The following BARD1 variants were observed in gnomAD, a reference collection of about 807,000 sequenced individuals.
The protein encoded by BARD1 is BRCA1 associated RING domain 1.
In BARD1, 73 loss-of-function variants were observed where a neutral mutation model predicts 77.0. That is an observed-to-expected ratio of 0.95 (90% confidence interval 0.79 to 1.15). The LOEUF is 1.15. BARD1 is among the 50% of genes most tolerant of loss of function. The probability of loss-of-function intolerance (pLI) is 0.00; values close to 1 mark genes in which losing one functional copy is unlikely to be tolerated. For synonymous variants in BARD1, 384 were observed against 338.0 expected (o/e 1.14, Z -1.49); for missense variants, 993 against 938.8 (o/e 1.06, Z -0.75).
chr2:214,806,798 C>CG (rs1167716797), intron 1 of BARD1, among the ~76,000 whole-genome samples: 9 of 140,714 alleles, frequency 6.4e-5, no homozygotes, highest in South Asian at 2.4e-4. Context: ...TGCTTGAACC[C>CG]GGGGGAAGGA....
intron 3 of BARD1, among the ~76,000 whole-genome samples, chr2:214,791,225 T>C (rs1040317509): frequency 2.6e-5 from 4 of 152,184 alleles, no homozygotes; most frequent in Non-Finnish European, 5.9e-5. Flanking sequence ...AAAATTTTAA[T>C]AGGTATAAAG....
chr2:214,809,480 A>T lies in BARD1; in HGVS notation c.90T>A (p.Gly30=), dbSNP rs150354152. The T allele has an allele frequency of 1.4e-4, 232 of 1,609,568 alleles. No homozygotes were observed. In the African/African-American group the frequency reaches 2.9e-3, roughly 20 times the overall value. ...CGCGACTGTGGGCCCAGGCACCGCG[A>T]CCATCCGGTTCCATGGCGGGCGCGG... ...PRSAPAMEPD[G]RGAWAHSRAA... is the part of the protein sequence containing the mutation. Residue 30 remains glycine, a synonymous_variant, in exon 1 of 11, where the codon GGT becomes GGA. Coordinates refer to ENST00000260947, the MANE Select transcript of BARD1 (RefSeq NM_000465.4).
In BARD1 at chr2:214,738,873, G is replaced by A. The variant is rs80153018; in HGVS notation, c.1903+6194C>T. Reference sequence around the variant, plus strand: ...TTTAAAGAATTTTTAGGCCAGACCTGGTGGCTCGCACTTGTAATGCTAGCA... The same window carrying A: ...TTTAAAGAATTTTTAGGCCAGACCTAGTGGCTCGCACTTGTAATGCTAGCA... On this transcript the variant is annotated intron_variant, in intron 9 of 10. Coordinates refer to ENST00000260947, the MANE Select transcript of BARD1 (RefSeq NM_000465.4). Among the ~76,000 whole-genome samples the A allele has an allele frequency of 2.9e-3, 443 of 152,224 alleles. 6 individuals carry two copies. In the East Asian group the frequency reaches 0.042, roughly 15 times the overall value.
At chr2:214,764,252 C>T (rs1022668797) in intron 6 of BARD1, among the ~76,000 whole-genome samples, 4 of 152,160 alleles carry the variant, frequency 2.6e-5, no homozygotes, top group African/African-American at 9.7e-5. Flanking sequence ...AATGTGGATA[C>T]AGACTACATT....
At chr2:214,762,832 T>A (rs1344185074) in intron 6 of BARD1, among the ~76,000 whole-genome samples, 2 of 152,096 alleles carry the variant, frequency 1.3e-5, no homozygotes, top group African/African-American at 4.8e-5. Flanking sequence ...ACAAAGTAAA[T>A]CAAACTTCAT....
intron 9 of BARD1, among the ~76,000 whole-genome samples, chr2:214,733,050 G>C (rs1001317359): frequency 6.6e-6 from 1 of 152,196 alleles, no homozygotes; most frequent in Non-Finnish European, 1.5e-5. Flanking sequence ...AAAAGACCCT[G>C]AAGAGCTAGT....
At chr2:214,753,336 T>A (rs999071269) in intron 6 of BARD1, among the ~76,000 whole-genome samples, 6 of 152,224 alleles carry the variant, frequency 3.9e-5, no homozygotes, top group Non-Finnish European at 8.8e-5. Flanking sequence ...AAAGGACTTC[T>A]GTCTACTATT....
chr2:214,766,988 CAAGT>C lies in BARD1; in HGVS notation c.1568+490_1568+493del, dbSNP rs1318682991. On this transcript the variant is annotated intron_variant, in intron 6 of 10. Transcript: ENST00000260947. Reference sequence around the variant, plus strand: ...TCTCCCTCCTCCCATCCTCCACACTCAAGTAGACTCTGGTGTCTGTTGTTCCCTT... The same window carrying C: ...TCTCCCTCCTCCCATCCTCCACACTCAGACTCTGGTGTCTGTTGTTCCCTT... Among the ~76,000 whole-genome samples the C allele has an allele frequency of 2.0e-5, 3 of 152,080 alleles. No homozygotes were observed. The East Asian group carries it at 5.8e-4, about 29-fold the overall frequency.
intron 4 of BARD1, among the ~76,000 whole-genome samples, chr2:214,773,319 C>A (rs13423447): frequency 0.089 from 13,591 of 152,206 alleles, 744 homozygotes; most frequent in African/African-American, 0.15. Flanking sequence ...ATGGTTAAGC[C>A]TTTCCATGTA....
At chr2:214,775,469 A>C (rs890734360) in intron 4 of BARD1, among the ~76,000 whole-genome samples, 2 of 152,226 alleles carry the variant, frequency 1.3e-5, no homozygotes, top group African/African-American at 4.8e-5. Context: ...GCCCCAAAGC[A>C]ATTACAATAG....
At chr2:214,729,476 G>A (rs889643753) in intron 10 of BARD1, among the ~76,000 whole-genome samples, 3 of 152,116 alleles carry the variant, frequency 2.0e-5, no homozygotes, top group Admixed American at 6.5e-5. Context: ...ACTTAATGAG[G>A]TGCTGGGACA....
chr2:214,808,531 A>G (rs898275122), intron 1 of BARD1, among the ~76,000 whole-genome samples: 9 of 152,256 alleles, frequency 5.9e-5, no homozygotes, highest in African/African-American at 2.2e-4. Flanking sequence ...TTTGACAGCT[A>G]CAAATAACAA....
At chr2:214,732,581 G>A (rs1692404453) in intron 9 of BARD1, among the ~76,000 whole-genome samples, 1 of 152,040 alleles carries the variant, frequency 6.6e-6, no homozygotes, top group Non-Finnish European at 1.5e-5. Flanking sequence ...ACTTTTAGTA[G>A]AGACAGGCTT....
chr2:214,744,557 A>G (rs1363213650), intron 9 of BARD1, among the ~76,000 whole-genome samples: 2 of 152,214 alleles, frequency 1.3e-5, no homozygotes, highest in Non-Finnish European at 1.5e-5. Flanking sequence ...AGGAAAAAAG[A>G]CTTTAAAACC....
chr2:214,761,436 T>C (rs912922532), intron 6 of BARD1, among the ~76,000 whole-genome samples: 8 of 151,990 alleles, frequency 5.3e-5, no homozygotes, highest in Non-Finnish European at 1.0e-4. Context: ...CCCTAGCAAA[T>C]TCATGTAAAA....
intron 5 of BARD1, among the ~76,000 whole-genome samples, chr2:214,768,090 A>G (rs1694302279): frequency 6.6e-6 from 1 of 152,216 alleles, no homozygotes. Flanking sequence ...AAGATAAGCT[A>G]TTTGCTGAAC....
intron 2 of BARD1, chr2:214,796,732 A>G (rs1479295820): frequency 3.2e-6 from 1 of 310,592 alleles, no homozygotes; most frequent in African/African-American, 2.2e-5. Flanking sequence ...ATACTTTCAC[A>G]ATTTTGAGTC....
chr2:214,757,027 C>A (rs572673592), intron 6 of BARD1, among the ~76,000 whole-genome samples: 2 of 152,120 alleles, frequency 1.3e-5, no homozygotes, highest in African/African-American at 4.8e-5. Context: ...AGCACCTCCT[C>A]GCCTCTTCCT....
In BARD1 at chr2:214,751,136, T is replaced by C. The variant is rs1559393009; in HGVS notation, c.1677+1311A>G. Among the ~76,000 whole-genome samples the C allele has an allele frequency of 7.4e-4, 34 of 46,076 alleles. 3 individuals are homozygous for C. The highest frequency in any genetic ancestry group is 1.1e-3 in the Admixed American group (5 of 4,504). The allele number at this position is 46,076 out of a possible 152,430, so 30.2% of individuals were successfully genotyped here. A position where few individuals can be genotyped will look rare whatever the true frequency, so the allele number is the denominator to read the frequency against. On this transcript the variant is annotated intron_variant, in intron 7 of 10. Coordinates refer to ENST00000260947, the MANE Select transcript of BARD1 (RefSeq NM_000465.4). ...GTGTGTGTATATATATATATATATA[T>C]ATATATATATATATATTTTTTTTTT...
Sources: gnomAD v4.1 joint callset for allele counts (sites outside exome capture counted in the v4.1 genomes callset) on GRCh38, gnomAD v4.1.1 for gene constraint, MANE v1.5 for transcripts, NCBI Gene and HGNC (gene_info 2026-07-23, HGNC 2026-07-21) for gene names.